Variants in HYDIN observed in about 807,000 individuals in gnomAD.
HYDIN encodes HYDIN axonemal central pair apparatus protein.
In HYDIN, 132 loss-of-function variants were observed where a neutral mutation model predicts 403.9. That is an observed-to-expected ratio of 0.33 (90% CI 0.28 to 0.38). The LOEUF is 0.38. HYDIN is among the 10% of genes least tolerant of loss of function. The probability of loss-of-function intolerance (pLI) is 1.00; values close to 1 mark genes in which losing one functional copy is unlikely to be tolerated. For missense variants in HYDIN, 2,827 were observed against 5,009.5 expected (o/e 0.56, Z 13.15); for synonymous variants, 1,202 against 1,891.7 (o/e 0.64, Z 9.46).
At chr16:70,841,224 G>A (rs1201945120) in intron 75 of HYDIN, among the ~76,000 whole-genome samples, 4 of 152,084 alleles carry the variant, frequency 2.6e-5, no homozygotes, top group Admixed American at 2.6e-4. Context: ...AATGTCCAAG[G>A]CTTTTAAAGT....
At chr16:71,075,142 G>A (rs1040206154) in intron 13 of HYDIN, among the ~76,000 whole-genome samples, 2 of 150,866 alleles carry the variant, frequency 1.3e-5, no homozygotes, top group African/African-American at 2.4e-5. Context: ...TTTGAGATAA[G>A]TTTCCATGTC....
At chr16:71,189,845 GA>G (rs1460796173) in intron 1 of HYDIN, among the ~76,000 whole-genome samples, 8 of 151,500 alleles carry the variant, frequency 5.3e-5, no homozygotes, top group African/African-American at 7.3e-5. Context: ...GAGAAGAGCC[GA>G]GAAATCTTAT....
At chr16:71,093,278 A>G (rs1235159191) in intron 11 of HYDIN, among the ~76,000 whole-genome samples, 2 of 152,250 alleles carry the variant, frequency 1.3e-5, no homozygotes, top group Non-Finnish European at 2.9e-5. Context: ...ACTCATGCAT[A>G]CATCCTGTAA....
chr16:71,184,779 C>T, intron 3 of HYDIN, 86 bp downstream of exon 3: 2 of 1,220,082 alleles, frequency 1.6e-6, no homozygotes, highest in Non-Finnish European at 2.3e-6. Context: ...ATTAGGTAGC[C>T]AAGAAACAAA....
intron 58 of HYDIN, among the ~76,000 whole-genome samples, chr16:70,887,315 C>G (rs2041199499): frequency 6.6e-6 from 1 of 151,976 alleles, no homozygotes; most frequent in Non-Finnish European, 1.5e-5. Context: ...CCAATGTAAT[C>G]ACAAGGGTCC....
chr16:70,841,470 G>A (rs564417070), intron 75 of HYDIN, among the ~76,000 whole-genome samples: 16 of 152,062 alleles, frequency 1.1e-4, no homozygotes, highest in Admixed American at 3.9e-4. Context: ...AAACAGTGGA[G>A]CTTCCCGAAC....
chr16:71,084,919 T>G lies in HYDIN; in HGVS notation c.1670+3382A>C, dbSNP rs2082889449. On this transcript the variant is annotated intron_variant, in intron 12 of 85. Transcript: ENST00000393567. Reference sequence around the variant, plus strand: ...ATTACATTGATTGATTTTCTTATGTTAAGCCAACCTTTCATCATTCAGGAT... The same window carrying G: ...ATTACATTGATTGATTTTCTTATGTGAAGCCAACCTTTCATCATTCAGGAT... Among the ~76,000 whole-genome samples the G allele has an allele frequency of 2.0e-5, 3 of 151,682 alleles. No individual in the cohort carries two copies. The South Asian group carries it at 6.3e-4, about 32-fold the overall frequency.
intron 23 of HYDIN, among the ~76,000 whole-genome samples, chr16:70,998,513 T>C (rs1420410602): frequency 6.9e-6 from 1 of 145,074 alleles, no homozygotes; most frequent in Non-Finnish European, 1.5e-5. Flanking sequence ...ATTTATAATC[T>C]GATGCAAACC....
chr16:71,013,235 G>A (rs1330588191), intron 23 of HYDIN, among the ~76,000 whole-genome samples: 3 of 152,014 alleles, frequency 2.0e-5, no homozygotes, highest in Non-Finnish European at 1.5e-5. Context: ...CTTCCCTGCA[G>A]AAGGATGGTG....
chr16:71,021,266 G>A (rs1174019048), intron 21 of HYDIN, among the ~76,000 whole-genome samples: 1 of 151,216 alleles, frequency 6.6e-6, no homozygotes, highest in Admixed American at 6.6e-5. Flanking sequence ...GCCCAGGCTG[G>A]AATGCAGTGG....
chr16:70,809,516 G>A (rs943111524), intron 85 of HYDIN, among the ~76,000 whole-genome samples: 1 of 152,014 alleles, frequency 6.6e-6, no homozygotes, highest in African/African-American at 2.4e-5. Flanking sequence ...ATCACTGGGC[G>A]TGCTGTGTGA....
chr16:71,020,342 C>G, intron 21 of HYDIN, 25 bp from the exon 22 acceptor site: 1 of 1,606,920 alleles, frequency 6.2e-7, no homozygotes, highest in Non-Finnish European at 8.5e-7. Context: ...AAAGAGGAAA[C>G]AAATCAACTT....
chr16:70,992,289 T>C (rs930312972), intron 23 of HYDIN, 79 bp from the exon 24 acceptor site: 5 of 1,493,950 alleles, frequency 3.3e-6, no homozygotes, highest in Non-Finnish European at 4.4e-6. Context: ...GGGCTCTCAG[T>C]TTCTAAGGCC....
At chr16:70,817,268 A>G (rs2035900070) in intron 84 of HYDIN, 1 of 151,732 alleles carries the variant, frequency 6.6e-6, no homozygotes, top group Non-Finnish European at 1.5e-5. Flanking sequence ...CTAATTGGCA[A>G]TTACCTACTA....
chr16:70,805,155 C>T lies in HYDIN; in HGVS notation c.*2425G>A, dbSNP rs1485192693. On this transcript the variant is annotated 3_prime_UTR_variant, in exon 86 of 86. Coordinates refer to ENST00000393567, the MANE Select transcript of HYDIN (RefSeq NM_001270974.2). Reference sequence around the variant, plus strand: ...TTTTGGGGAGGGTTAATTTCATCAACTAGGTCCTATGCAGATTTGGTAAGA... The same window carrying T: ...TTTTGGGGAGGGTTAATTTCATCAATTAGGTCCTATGCAGATTTGGTAAGA... 1.3e-5 allele frequency among the ~76,000 whole-genome samples: 2 copies of T among 152,224 alleles called. No individual in the cohort carries two copies. The highest frequency in any genetic ancestry group is 1.3e-4 in the Admixed American group (2 of 15,280).
intron 41 of HYDIN, among the ~76,000 whole-genome samples, chr16:70,947,841 T>C (rs995087953): frequency 1.8e-4 from 27 of 151,698 alleles, no homozygotes; most frequent in Non-Finnish European, 2.8e-4. Flanking sequence ...TCCATGCTCA[T>C]GGGTAGGAAG....
At chr16:70,864,772 AAAACTTTTGT>A (rs1224421941) in intron 67 of HYDIN, among the ~76,000 whole-genome samples, 8 of 152,194 alleles carry the variant, frequency 5.3e-5, no homozygotes, top group African/African-American at 1.9e-4. Context: ...TAGGGGTTGG[AAAACTTTTGT>A]AAAGGGCCAG....
rs200503876 is a variant in HYDIN, at chr16:70,809,808, C to T, written c.14858G>A (p.Arg4953Gln). The T allele has an allele frequency of 4.3e-5, 70 of 1,614,084 alleles. No individual in the cohort carries two copies. The highest frequency in any genetic ancestry group is 1.7e-4 in the Middle Eastern group (1 of 6,058). The change falls in exon 85 of 86, where the codon CGG (arginine) becomes CAG (glutamine). Residue 4953 changes from arginine to glutamine, a missense_variant. Arg to Gln is a conservative substitution (Grantham distance 43). Coordinates refer to ENST00000393567, the MANE Select transcript of HYDIN (RefSeq NM_001270974.2). Reference protein sequence around the residue: ...IILVKFINYTRQRTEYYCRTD... With the variant: ...IILVKFINYTQQRTEYYCRTD... ...CCTGCAGTAGTATTCTGTCCTCTGC[C>T]GTGTGTAATTGATGAACTTCACAAG... is the stretch of plus-strand genomic sequence containing the variant.
Position 71,193,878 on chromosome 16 carries a change from G to GC in HYDIN, c.-23-6961dup, listed in dbSNP as rs374331591. Among the ~76,000 whole-genome samples, 273 of 151,888 alleles carry GC rather than the reference G, an allele frequency of 1.8e-3. 1 individual carries two copies. The highest frequency in any genetic ancestry group is 6.4e-3 in the African/African-American group (266 of 41,394). On this transcript the variant is annotated intron_variant, in intron 1 of 85. Transcript: ENST00000393567. Reference sequence around the variant, plus strand: ...TTTTTCTGCCATCTTCTATTCCCAAGCCCCTCCCTTCTTTGCAGAAAAGCC... The same window carrying GC: ...TTTTTCTGCCATCTTCTATTCCCAAGCCCCCTCCCTTCTTTGCAGAAAAGCC...
Sources: allele counts gnomAD v4.1 joint callset (sites outside exome capture counted in the v4.1 genomes callset), GRCh38; gene constraint gnomAD v4.1.1; transcripts MANE v1.5; gene names NCBI Gene and HGNC (gene_info 2026-07-23, HGNC 2026-07-21).